FHIP2A: variants seen among roughly 807,000 people sequenced by gnomAD.
The protein encoded by FHIP2A is FHF complex subunit HOOK interacting protein 2A.
In FHIP2A, 46 loss-of-function variants were observed where a neutral mutation model predicts 93.5. The ratio of observed to expected loss-of-function variants is 0.49; its 90% CI spans 0.39 to 0.63. FHIP2A has a LOEUF of 0.63. Among genes scored for constraint, FHIP2A ranks in the 20% least tolerant of loss-of-function variants. The pLI, the probability that FHIP2A is intolerant of heterozygous loss-of-function variation, is 0.00. For synonymous variants in FHIP2A, 332 were observed against 326.5 expected (o/e 1.02, Z -0.18); for missense variants, 769 against 909.7 (o/e 0.85, Z 1.99).
intron 5 of FHIP2A, among the ~76,000 whole-genome samples, chr10:114,840,551 T>G (rs1305115383): frequency 6.6e-6 from 1 of 152,164 alleles, no homozygotes; most frequent in Non-Finnish European, 1.5e-5. Context: ...TCAGGGAAAC[T>G]AATTTGGAAA....
Position 114,880,585 on chromosome 10 carries a change from C to G in FHIP2A, c.2193-18905C>G, listed in dbSNP as rs189237428. 1.6e-3 allele frequency among the ~76,000 whole-genome samples: 241 copies of G among 152,114 alleles called. 1 individual carries two copies. The highest frequency in any genetic ancestry group is 0.013 in the Admixed American group (198 of 15,274). ...ATCCCAGCTACTCTGGTGGCTGAGG[C>G]AGGAGAATCACTTGAACCTGGCAGA... On this transcript the variant is annotated intron_variant, in intron 16 of 16. Coordinates refer to the FHIP2A transcript ENST00000369250.
In FHIP2A at chr10:114,863,910, A is replaced by G; in HGVS notation, c.*2370A>G. On this transcript the variant is annotated 3_prime_UTR_variant, in exon 17 of 17. Transcript: ENST00000369248. ...ATATGCACATTTTTTAAAACTTTCT[A>G]ACAATATAGTCTTTGGATTTGTTTT... 1 of 1,086,106 alleles carries G rather than the reference A, an allele frequency of 9.2e-7. No homozygotes were observed. The allele number at this position is 1,086,106 out of a possible 1,614,324, so 67.3% of individuals were successfully genotyped here. A position where few individuals can be genotyped will look rare whatever the true frequency, so the allele number is the denominator to read the frequency against.
At chr10:114,827,368 A>T (rs986400582) in intron 1 of FHIP2A, among the ~76,000 whole-genome samples, 4 of 152,256 alleles carry the variant, frequency 2.6e-5, no homozygotes, top group Admixed American at 6.5e-5. Flanking sequence ...TGAGTTGGAA[A>T]CCAGAGATTG....
chr10:114,857,324 T>C (rs1394218756), intron 14 of FHIP2A, among the ~76,000 whole-genome samples: 2 of 149,222 alleles, frequency 1.3e-5, no homozygotes, highest in Non-Finnish European at 1.5e-5. Flanking sequence ...CTTTTTTTTT[T>C]TTCTGAGACC....
At chr10:114,899,556 C>T (rs781168702) in exon 17 of FHIP2A, 3 of 717,674 alleles carry the variant, frequency 4.2e-6, no homozygotes. Context: ...GCTTCAAGCT[C>T]AGCCAAAAGA....
chr10:114,879,749 G>A (rs1592032401), intron 16 of FHIP2A, among the ~76,000 whole-genome samples: 3 of 152,136 alleles, frequency 2.0e-5, no homozygotes, highest in Admixed American at 1.3e-4. Context: ...CTGGAGTGCA[G>A]TGACCCCTGC....
chr10:114,839,861 G>A (rs1424890173), intron 5 of FHIP2A, among the ~76,000 whole-genome samples: 2 of 136,178 alleles, frequency 1.5e-5, no homozygotes, highest in Non-Finnish European at 3.1e-5. Context: ...CAGCCTGGGC[G>A]ACAGAGCGAG....
At chr10:114,838,203 T>C (rs867381445) in intron 5 of FHIP2A, among the ~76,000 whole-genome samples, 2 of 152,338 alleles carry the variant, frequency 1.3e-5, no homozygotes, top group Non-Finnish European at 1.5e-5. Flanking sequence ...TGTTTTGTTA[T>C]TTTTAAATGT....
At chr10:114,822,730 G>A (rs59790293) in intron 1 of FHIP2A, among the ~76,000 whole-genome samples, 7,675 of 152,266 alleles carry the variant, frequency 0.05, 345 homozygotes, top group Admixed American at 0.12. Flanking sequence ...TGAACCTTAT[G>A]TATTGATCTG....
At chr10:114,853,350 C>A (rs559499599) in intron 13 of FHIP2A, among the ~76,000 whole-genome samples, 23 of 152,134 alleles carry the variant, frequency 1.5e-4, no homozygotes, top group Non-Finnish European at 2.6e-4. Context: ...TATTTAAATT[C>A]TTTGTATTGA....
At chr10:114,873,867 G>C (rs1157588437) in intron 16 of FHIP2A, among the ~76,000 whole-genome samples, 1 of 151,760 alleles carries the variant, frequency 6.6e-6, no homozygotes, top group Non-Finnish European at 1.5e-5. Context: ...TATGTTTCCT[G>C]CCCCAGTCCT....
chr10:114,861,577 TG>T lies in FHIP2A; in HGVS notation c.*38del. 6.2e-7 allele frequency: 1 copy of T among 1,603,362 alleles called. No homozygotes were observed. The highest frequency in any genetic ancestry group is 8.5e-7 in the Non-Finnish European group (1 of 1,176,676). Reference sequence around the variant, plus strand: ...CATGTAACTGGGGGAACAGAACTACTGTGTACATTTCACCAAAAAAGACTCA... The same window carrying T: ...CATGTAACTGGGGGAACAGAACTACTTGTACATTTCACCAAAAAAGACTCA... On this transcript the variant is annotated 3_prime_UTR_variant, in exon 17 of 17. Transcript: ENST00000369248.
At chr10:114,856,302 T>C (rs12219120) in intron 14 of FHIP2A, among the ~76,000 whole-genome samples, 41 of 152,150 alleles carry the variant, frequency 2.7e-4, no homozygotes, top group Non-Finnish European at 4.4e-4. Context: ...TTTTTTTTTC[T>C]TTTTTAACCT....
At chr10:114,834,358 A>G (rs1431178033) in intron 3 of FHIP2A, among the ~76,000 whole-genome samples, 1 of 152,164 alleles carries the variant, frequency 6.6e-6, no homozygotes, top group African/African-American at 2.4e-5. Context: ...TTAATAATAA[A>G]TTGATTAATT....
At chr10:114,876,931 GTTTA>G (rs2083892456) in intron 16 of FHIP2A, among the ~76,000 whole-genome samples, 1 of 152,162 alleles carries the variant, frequency 6.6e-6, no homozygotes, top group South Asian at 2.1e-4. Flanking sequence ...CTATTGACAT[GTTTA>G]TTTATTTTTT....
intron 3 of FHIP2A, among the ~76,000 whole-genome samples, chr10:114,833,686 GAGAT>G (rs1389625332): frequency 1.3e-5 from 2 of 152,094 alleles, no homozygotes; most frequent in Admixed American, 6.5e-5. Flanking sequence ...ATAAAAAAAA[GAGAT>G]AGAAGGAAGT....
chr10:114,867,232 A>C (rs1364186682), downstream of FHIP2A, among the ~76,000 whole-genome samples: 1 of 151,662 alleles, frequency 6.6e-6, no homozygotes, highest in Non-Finnish European at 1.5e-5. Flanking sequence ...AAGAAGTTAT[A>C]ATCACAACAG....
chr10:114,826,836 A>G (rs1157878114), intron 1 of FHIP2A, among the ~76,000 whole-genome samples: 2 of 152,200 alleles, frequency 1.3e-5, no homozygotes, highest in Admixed American at 6.5e-5. Context: ...TTTACTAAAA[A>G]TACAAAAATT....
intron 5 of FHIP2A, among the ~76,000 whole-genome samples, chr10:114,838,222 C>A (rs1352993674): frequency 1.3e-5 from 2 of 152,136 alleles, no homozygotes; most frequent in Non-Finnish European, 2.9e-5. Context: ...GTTAACCACT[C>A]CAATAGATGG....
Sources: allele counts gnomAD v4.1 joint callset (sites outside exome capture counted in the v4.1 genomes callset), GRCh38; gene constraint gnomAD v4.1.1; transcripts MANE v1.5; gene names NCBI Gene and HGNC (gene_info 2026-07-23, HGNC 2026-07-21).